HERC6: variants seen among roughly 807,000 people sequenced by gnomAD.
HERC6 encodes the protein probable E3 ubiquitin-protein ligase HERC6.
Under a neutral mutation model 114.5 loss-of-function variants are expected in HERC6, and 101 were observed. The observed-to-expected ratio is 0.88, with a 90% CI of 0.75 to 1.04. The LOEUF (loss-of-function observed/expected upper bound fraction) is 1.04, where lower values mean the gene tolerates loss of function less well. HERC6 is among the 50% of genes least tolerant of loss of function. HERC6 has a pLI of 0.00. For missense variants in HERC6, 1,133 were observed against 1,230.9 expected, an observed-to-expected ratio of 0.92 and a Z score of 1.19; for synonymous variants, 408 against 436.2, an observed-to-expected ratio of 0.94 and a Z score of 0.81.
intron 8 of HERC6, among the ~76,000 whole-genome samples, chr4:88,400,440 G>A (rs532260757): frequency 6.6e-6 from 1 of 152,224 alleles, no homozygotes; most frequent in African/African-American, 2.4e-5. Context: ...CAAGTGATCT[G>A]CCCACCTTGG....
At chr4:88,415,543 TA>T (rs1257365698) in intron 12 of HERC6, among the ~76,000 whole-genome samples, 1 of 152,240 alleles carries the variant, frequency 6.6e-6, no homozygotes, top group Non-Finnish European at 1.5e-5. Context: ...ACAAAGGATG[TA>T]TCAATTTACA....
intron 19 of HERC6, 91 bp downstream of exon 19, chr4:88,437,062 T>G: frequency 1.2e-6 from 1 of 824,496 alleles, no homozygotes; most frequent in Non-Finnish European, 1.8e-6. Flanking sequence ...TGGGATCCCT[T>G]TTTTTTTTTA....
chr4:88,392,783 G>A (rs1243539484), intron 4 of HERC6, among the ~76,000 whole-genome samples: 1 of 152,060 alleles, frequency 6.6e-6, no homozygotes. Flanking sequence ...CTTACTAAAT[G>A]GCAGCCTTGC....
At chr4:88,431,069 C>T (rs1195359993) in intron 16 of HERC6, 93 bp from the exon 17 acceptor site, 2 of 1,100,076 alleles carry the variant, frequency 1.8e-6, no homozygotes, top group African/African-American at 1.6e-5. Context: ...ATTCTAGAGA[C>T]TGCAAGAATG....
chr4:88,399,007 G>A (rs1415135541), intron 8 of HERC6: 3 of 152,160 alleles, frequency 2.0e-5, no homozygotes, highest in Admixed American at 6.5e-5. Flanking sequence ...ATGCTATAGT[G>A]CCTTCCTAAT....
At chr4:88,433,042 C>T (rs999977651) in intron 17 of HERC6, among the ~76,000 whole-genome samples, 6 of 151,856 alleles carry the variant, frequency 4.0e-5, no homozygotes, top group Non-Finnish European at 8.8e-5. Flanking sequence ...GAGCCAAGAT[C>T]GCACCACTGC....
intron 2 of HERC6, among the ~76,000 whole-genome samples, chr4:88,383,864 A>G (rs1734446315): frequency 6.6e-6 from 1 of 151,770 alleles, no homozygotes; most frequent in African/African-American, 2.4e-5. Flanking sequence ...GAAAAAACCT[A>G]CAACACCAAT....
At chr4:88,380,395 TATATATATATAATATATAA>T (rs1235231243) in intron 1 of HERC6, among the ~76,000 whole-genome samples, 10 of 96,316 alleles carry the variant, frequency 1.0e-4, no homozygotes, top group Admixed American at 5.4e-4. Flanking sequence ...AATATATAAA[TATATATATATAATATATAA>T]ATATATATAT....
chr4:88,392,044 C>CCTCCCCTTCTCTCCCTCCT, intron 4 of HERC6, among the ~76,000 whole-genome samples: 1 of 59,300 alleles, frequency 1.7e-5, no homozygotes, highest in African/African-American at 6.8e-5. Flanking sequence ...CTCTCCCTCC[C>CCTCCCCTTCTCTCCCTCCT]TCCCCTCCCC....
rs202143769 is a variant in HERC6 at position 88,390,682 on chromosome 4, G to A, written c.467G>A (p.Ser156Asn). 5.7e-4 allele frequency: 913 copies of A among 1,611,926 alleles called. No individual in the cohort carries two copies. Among genetic ancestry groups the A allele is most frequent in the Non-Finnish European group, 7.3e-4 (858 of 1,178,330 alleles). Residue 156 changes from serine to asparagine, a missense_variant, in exon 4 of 23, where the codon AGC becomes AAC. By Grantham distance (46) the Ser-to-Asn change is conservative. Coordinates refer to ENST00000264346, the MANE Select transcript of HERC6 (RefSeq NM_017912.4). The stretch of plus-strand genomic sequence containing the variant: ...CAAGTGTTTTCGTGGGGAAAGAACA[G>A]CCATGGGCAGCTGGGCTTGGGGAAG... The part of the protein sequence containing the change: ...DSQVFSWGKN[S>N]HGQLGLGKEF...
intron 2 of HERC6, among the ~76,000 whole-genome samples, chr4:88,384,338 A>G (rs374281140): frequency 2.0e-5 from 3 of 152,160 alleles, no homozygotes; most frequent in Non-Finnish European, 2.9e-5. Context: ...CAAGCCCCCA[A>G]ATATTGGACC....
intron 3 of HERC6, among the ~76,000 whole-genome samples, chr4:88,389,716 T>C (rs1734791269): frequency 6.6e-6 from 1 of 152,150 alleles, no homozygotes; most frequent in South Asian, 2.1e-4. Flanking sequence ...CTCATTTTTT[T>C]CTTCATCTCT....
chr4:88,428,648 A>C lies in HERC6; in HGVS notation c.2004A>C (p.Pro668=), dbSNP rs765591697. The part of the protein sequence containing the change: ...TILQKKDEFP[P]SPRFILRVRR... ...TGCAAAAAAAGGATGAATTTCCTCC[A>C]TCACCCAGATTTATACTTAGAGTCA... Residue 668 remains proline, a synonymous_variant, in exon 16 of 23, where the codon CCA becomes CCC. Transcript: ENST00000264346. The C allele has an allele frequency of 1.9e-6, 3 of 1,608,296 alleles. No individual in the cohort carries two copies. The highest frequency in any genetic ancestry group is 2.5e-6 in the Non-Finnish European group (3 of 1,177,414).
intron 17 of HERC6, among the ~76,000 whole-genome samples, chr4:88,433,566 G>A (rs1376755545): frequency 6.6e-6 from 1 of 152,126 alleles, no homozygotes; most frequent in African/African-American, 2.4e-5. Flanking sequence ...AGAAACCTGA[G>A]CTAGGACACT....
intron 3 of HERC6, among the ~76,000 whole-genome samples, chr4:88,388,940 T>C (rs1294943562): frequency 6.6e-6 from 1 of 152,172 alleles, no homozygotes; most frequent in Non-Finnish European, 1.5e-5. Flanking sequence ...TCTTGAAATA[T>C]GTTAAAGAAG....
intron 7 of HERC6, 182 bp from the exon 8 acceptor site, chr4:88,397,960 C>A: frequency 3.7e-6 from 2 of 535,332 alleles, no homozygotes; most frequent in Non-Finnish European, 6.6e-6. Flanking sequence ...CAAAACTGAT[C>A]TTTTATTTCA....
intron 17 of HERC6, among the ~76,000 whole-genome samples, chr4:88,431,552 G>A (rs750672038): frequency 1.3e-4 from 20 of 152,184 alleles, no homozygotes; most frequent in Middle Eastern, 3.4e-3. Flanking sequence ...AGATCCTTAG[G>A]TGATTCACAT....
chr4:88,387,622 T>C (rs1734655689), intron 3 of HERC6, among the ~76,000 whole-genome samples: 1 of 152,204 alleles, frequency 6.6e-6, no homozygotes, highest in South Asian at 2.1e-4. Context: ...CATTGTGTGA[T>C]TCCTTCTACC....
Position 88,383,365 on chromosome 4 carries a change from T to C in HERC6, c.344T>C (p.Ile115Thr). 1.3e-6 allele frequency: 2 copies of C among 1,505,524 alleles called. No individual in the cohort carries two copies. The highest frequency in any genetic ancestry group is 2.6e-5 in the South Asian group (2 of 75,548). The allele number at this position is 1,505,524 out of a possible 1,614,324, so 93.3% of individuals were successfully genotyped here. A position where few individuals can be genotyped will look rare whatever the true frequency, so the allele number is the denominator to read the frequency against. Reference sequence around the variant, plus strand: ...CTGGGGATTGGAGAATTCAAGGAAATAAGTTTCACACCTAAGTAAGTGTTT... The same window carrying C: ...CTGGGGATTGGAGAATTCAAGGAAACAAGTTTCACACCTAAGTAAGTGTTT... ...GQLGIGEFKE[I>T]SFTPKKIMTL... Residue 115 changes from isoleucine (I) to threonine (T), a missense_variant, in exon 2 of 23, where the codon ATA becomes ACA. Physicochemically the swap from Ile to Thr is moderately conservative, Grantham distance 89. Coordinates refer to ENST00000264346, the MANE Select transcript of HERC6 (RefSeq NM_017912.4).
Sources: gnomAD v4.1 joint callset for allele counts (sites outside exome capture counted in the v4.1 genomes callset) on GRCh38, gnomAD v4.1.1 for gene constraint, MANE v1.5 for transcripts, NCBI Gene and HGNC (gene_info 2026-07-23, HGNC 2026-07-21) for gene names.